PRDM16: variants seen among roughly 807,000 people sequenced by gnomAD.
PRDM16 encodes the protein histone-lysine N-methyltransferase PRDM16.
Under a neutral mutation model 110.6 loss-of-function variants are expected in PRDM16, and 23 were observed. The ratio of observed to expected loss-of-function variants is 0.21; its 90% CI spans 0.15 to 0.29. The LOEUF is 0.29. Ranked by LOEUF, PRDM16 falls within the 10% of genes least tolerant of loss-of-function variation. The pLI is 1.00. For synonymous variants in PRDM16, 799 were observed against 781.8 expected, an observed-to-expected ratio of 1.02 and a Z score of -0.37; for missense variants, 1,615 against 1,794.3, an observed-to-expected ratio of 0.90 and a Z score of 1.81.
Position 3,428,217 on chromosome 1 carries a change from G to A in PRDM16, c.3284+1992G>A, listed in dbSNP as rs558213208. On this transcript the variant is annotated intron_variant, in intron 14 of 16. Coordinates refer to ENST00000270722, the MANE Select transcript of PRDM16 (RefSeq NM_022114.4). Reference sequence around the variant, plus strand: ...AGGACCCCGAGCTAGGGTGCAGCCCGGCCGCACTGCAGGAGACCCACCAGG... The same window carrying A: ...AGGACCCCGAGCTAGGGTGCAGCCCAGCCGCACTGCAGGAGACCCACCAGG... Among the ~76,000 whole-genome samples, 417 of 143,502 alleles carry A rather than the reference G, an allele frequency of 2.9e-3. 7 individuals carry two copies. The highest frequency in any genetic ancestry group is 9.5e-3 in the African/African-American group (346 of 36,304). 94.1% of individuals were successfully genotyped at this position (143,502 alleles called of 152,430 possible).
Position 3,265,068 on chromosome 1 carries a change from G to C in PRDM16, c.438+20931G>C, listed in dbSNP as rs759370066. Among the ~76,000 whole-genome samples, 7 of 151,720 alleles carry C rather than the reference G, an allele frequency of 4.6e-5. No homozygotes were observed. Among genetic ancestry groups the C allele is most frequent in the Admixed American group, 6.6e-5 (1 of 15,264 alleles). On this transcript the variant is annotated intron_variant, in intron 3 of 16. Coordinates refer to ENST00000270722, the MANE Select transcript of PRDM16 (RefSeq NM_022114.4). This position sits in a 1 kb window ranked among gnomAD's most constrained non-coding sequence, Gnocchi z 4.5. ...AGTCCCCCAGCCTCTCTCTGACCCA[G>C]GGCCCAGGAGGGAGGGGAGACCAGC...
chr1:3,300,655 G>A (rs868100839), intron 3 of PRDM16, among the ~76,000 whole-genome samples: 3 of 152,284 alleles, frequency 2.0e-5, no homozygotes, highest in East Asian at 1.9e-4. Context: ...GGATTCTGCC[G>A]GTGTCTGACT....
At chr1:3,127,780 C>T (rs1050821220) in intron 1 of PRDM16, among the ~76,000 whole-genome samples, 1 of 152,242 alleles carries the variant, frequency 6.6e-6, no homozygotes, top group East Asian at 1.9e-4. Context: ...GGCCTGAGGC[C>T]TGCCCCATAA....
At chr1:3,197,804 G>A (rs1419415704) in intron 2 of PRDM16, among the ~76,000 whole-genome samples, 3 of 152,250 alleles carry the variant, frequency 2.0e-5, no homozygotes, top group Non-Finnish European at 2.9e-5. Context: ...TGGGTCAGAC[G>A]CAGGTCCCAC....
At chr1:3,291,948 G>A (rs570254409) in intron 3 of PRDM16, among the ~76,000 whole-genome samples, 10 of 152,358 alleles carry the variant, frequency 6.6e-5, no homozygotes, top group African/African-American at 2.4e-4. Flanking sequence ...CACACAGCAG[G>A]TGCCTTCTCC....
At chr1:3,113,014 T>TGCAG (rs1291611240) in intron 1 of PRDM16, among the ~76,000 whole-genome samples, 3 of 152,232 alleles carry the variant, frequency 2.0e-5, no homozygotes, top group African/African-American at 7.2e-5. Flanking sequence ...CCCAGACTGG[T>TGCAG]GCAGGGCCTG....
chr1:3,405,395 G>A, intron 7 of PRDM16, 100 bp from the exon 8 acceptor site: 1 of 1,355,966 alleles, frequency 7.4e-7, no homozygotes, highest in Non-Finnish European at 9.9e-7. Flanking sequence ...AAGAGAGACA[G>A]GCAGGGCCCT....
chr1:3,233,262 G>A (rs1639458475), intron 2 of PRDM16, among the ~76,000 whole-genome samples: 2 of 152,276 alleles, frequency 1.3e-5, no homozygotes, highest in South Asian at 4.1e-4. Context: ...TGTGGAGGAG[G>A]GACCGTCAGC....
At chr1:3,337,593 G>A (rs1224531313) in intron 3 of PRDM16, among the ~76,000 whole-genome samples, 2 of 152,160 alleles carry the variant, frequency 1.3e-5, no homozygotes, top group African/African-American at 4.8e-5. Flanking sequence ...GACCCACCAG[G>A]TGCAGAGGAA....
chr1:3,340,844 G>A (rs1312551498), intron 3 of PRDM16, among the ~76,000 whole-genome samples: 2 of 152,214 alleles, frequency 1.3e-5, no homozygotes, highest in Non-Finnish European at 2.9e-5. Flanking sequence ...AAGGCAGAAG[G>A]CCCTGTGCAC....
intron 12 of PRDM16, among the ~76,000 whole-genome samples, chr1:3,419,324 C>T (rs1638365876): frequency 6.6e-6 from 1 of 152,236 alleles, no homozygotes; most frequent in Non-Finnish European, 1.5e-5. Flanking sequence ...CCGTGCTCCT[C>T]TCATCTGAGG....
intron 2 of PRDM16, among the ~76,000 whole-genome samples, chr1:3,218,793 C>A (rs1185018576): frequency 6.6e-6 from 1 of 152,214 alleles, no homozygotes; most frequent in Non-Finnish European, 1.5e-5. Flanking sequence ...GACGCTCCTC[C>A]CCCAGGTGCA....
chr1:3,383,372 G>C (rs1351060704), intron 3 of PRDM16, among the ~76,000 whole-genome samples: 1 of 152,156 alleles, frequency 6.6e-6, no homozygotes, highest in African/African-American at 2.4e-5. Context: ...GAAACCCTTA[G>C]TCGGGAACCC....
chr1:3,213,320 T>A lies in PRDM16; in HGVS notation c.387+26846T>A, dbSNP rs769970622. On this transcript the variant is annotated intron_variant, in intron 2 of 16. Transcript: ENST00000270722. The surrounding 1 kb of genome is among the most constrained non-coding windows in gnomAD (Gnocchi z 5.3). ...AGTCATAGAGACAACCATTTCTGCT[T>A]AATTTGCTGACACAAATCACCCTAA... 1.3e-4 allele frequency among the ~76,000 whole-genome samples: 19 copies of A among 150,274 alleles called. No homozygotes were observed. Among genetic ancestry groups the A allele is most frequent in the Admixed American group, 6.0e-4 (9 of 15,042 alleles).
chr1:3,361,804 A>G (rs1447744975), intron 3 of PRDM16, among the ~76,000 whole-genome samples: 2 of 149,032 alleles, frequency 1.3e-5, no homozygotes, highest in Non-Finnish European at 3.0e-5. Flanking sequence ...ACTGCGGTCC[A>G]GGAGGGCAGG....
chr1:3,333,667 C>T (rs114431672), intron 3 of PRDM16, among the ~76,000 whole-genome samples: 2,885 of 152,228 alleles, frequency 0.019, 96 homozygotes, highest in African/African-American at 0.065. Flanking sequence ...TTTGGATGTG[C>T]GTCCCCTCCA....
Position 3,358,337 on chromosome 1 carries a change from CT to C in PRDM16, c.439-26813del, listed in dbSNP as rs535548559. On this transcript the variant is annotated intron_variant, in intron 3 of 16. Transcript: ENST00000270722. This position sits in a 1 kb window ranked among gnomAD's most constrained non-coding sequence, Gnocchi z 4.0. ...ACTGGGTCTTCTCTGGATGCGAGAC[CT>C]TCCCCCTGGCTGAGGGTGCTGGAGA... is the stretch of plus-strand genomic sequence containing the variant. 2.6e-4 allele frequency among the ~76,000 whole-genome samples: 39 copies of C among 152,316 alleles called. No homozygotes were observed. The highest frequency in any genetic ancestry group is 9.4e-4 in the African/African-American group (39 of 41,580).
chr1:3,405,003 G>T, intron 7 of PRDM16, 117 bp downstream of exon 7: 1 of 1,162,452 alleles, frequency 8.6e-7, no homozygotes. Flanking sequence ...CGGCAGAGTG[G>T]GTAGGAGGCC....
At chr1:3,394,179 G>A (rs566956249) in intron 4 of PRDM16, among the ~76,000 whole-genome samples, 179 of 152,226 alleles carry the variant, frequency 1.2e-3, no homozygotes, top group African/African-American at 4.1e-3. Context: ...GAGGCCTGGC[G>A]CCCTCGGAGC....
Sources: gnomAD v4.1 joint callset for allele counts (sites outside exome capture counted in the v4.1 genomes callset) on GRCh38, gnomAD v4.1.1 for gene constraint, Gnocchi (gnomAD v3.1) non-coding constraint, MANE v1.5 for transcripts, NCBI Gene and HGNC (gene_info 2026-07-23, HGNC 2026-07-21) for gene names.